The following SCN9A variants were observed in gnomAD, a reference collection of about 807,000 sequenced individuals.
SCN9A encodes the protein sodium channel protein type 9 subunit alpha.
Under a neutral mutation model 187.0 loss-of-function variants are expected in SCN9A, and 131 were observed. The observed-to-expected ratio is 0.70, with a 90% CI of 0.61 to 0.81. SCN9A has a LOEUF of 0.81. SCN9A is among the 30% of genes least tolerant of loss of function. SCN9A has a pLI of 0.00. For synonymous variants in SCN9A, 809 were observed against 808.6 expected, an observed-to-expected ratio of 1.00 and a Z score of -0.01; for missense variants, 2,252 against 2,396.6, an observed-to-expected ratio of 0.94 and a Z score of 1.26.
chr2:166,355,482 C>T (rs1700130210), intron 1 of SCN9A, among the ~76,000 whole-genome samples: 1 of 151,738 alleles, frequency 6.6e-6, no homozygotes, highest in East Asian at 1.9e-4. Context: ...TTGAAATATT[C>T]ATTATTTTCT....
At chr2:166,314,342 G>A (rs1435861573) in intron 1 of SCN9A, among the ~76,000 whole-genome samples, 1 of 152,054 alleles carries the variant, frequency 6.6e-6, no homozygotes, top group African/African-American at 2.4e-5. Context: ...ACCAAAGTTA[G>A]GATAAAGGTT....
intron 1 of SCN9A, among the ~76,000 whole-genome samples, chr2:166,316,676 A>C (rs1559038261): frequency 2.6e-5 from 4 of 152,246 alleles, no homozygotes; most frequent in Non-Finnish European, 1.5e-5. Context: ...CCTGGGCAAT[A>C]GAGCGAGACT....
chr2:166,372,307 A>T (rs186209759), intron 1 of SCN9A, among the ~76,000 whole-genome samples: 3 of 152,300 alleles, frequency 2.0e-5, no homozygotes, highest in Admixed American at 2.0e-4. Context: ...ATCAATTTAG[A>T]CCGTGTGGAA....
At chr2:166,214,469 T>C (rs1336245204) in intron 24 of SCN9A, among the ~76,000 whole-genome samples, 1 of 151,752 alleles carries the variant, frequency 6.6e-6, no homozygotes, top group Non-Finnish European at 1.5e-5. Context: ...CTTCCCTGGC[T>C]TCCTCCAGAG....
intron 24 of SCN9A, among the ~76,000 whole-genome samples, chr2:166,209,964 C>A (rs142629408): frequency 6.6e-6 from 1 of 152,034 alleles, no homozygotes; most frequent in Non-Finnish European, 1.5e-5. Flanking sequence ...TGGGTATATA[C>A]CCAAAGGATT....
chr2:166,252,222 T>C (rs1187007544), intron 17 of SCN9A, among the ~76,000 whole-genome samples: 1 of 151,992 alleles, frequency 6.6e-6, no homozygotes, highest in African/African-American at 2.4e-5. Flanking sequence ...ATTTTTAATA[T>C]AAATTTATGG....
chr2:166,242,783 A>G, intron 18 of SCN9A, 127 bp from the exon 19 acceptor site: 1 of 591,550 alleles, frequency 1.7e-6, no homozygotes, highest in Non-Finnish European at 2.8e-6. Flanking sequence ...CTATACTTGC[A>G]ATTTCAGATA....
At chr2:166,222,957 A>AAAAAAAAAAAAAAAAAC (rs1558960914) in intron 24 of SCN9A, among the ~76,000 whole-genome samples, 1 of 146,224 alleles carries the variant, frequency 6.8e-6, no homozygotes, top group East Asian at 2.0e-4. Context: ...AAAAAAAAAA[A>AAAAAAAAAAAAAAAAAC]AAAAAAAAAA....
intron 2 of SCN9A, among the ~76,000 whole-genome samples, chr2:166,308,161 G>A (rs1161974675): frequency 6.6e-6 from 1 of 152,026 alleles, no homozygotes; most frequent in Admixed American, 6.6e-5. Flanking sequence ...ACTTTTACAT[G>A]GAAAATTATT....
chr2:166,281,141 GC>G (rs1439264393), intron 13 of SCN9A, among the ~76,000 whole-genome samples: 3 of 152,084 alleles, frequency 2.0e-5, no homozygotes, highest in Non-Finnish European at 2.9e-5. Context: ...TAGACACTTT[GC>G]CCCCACAATG....
At position 166,284,048 on chromosome 2, in the gene SCN9A, C is replaced by T. The variant is rs553805810; in HGVS notation, c.1974+405G>A. Among the ~76,000 whole-genome samples, 7 of 152,260 alleles carry T rather than the reference C, an allele frequency of 4.6e-5. No individual in the cohort carries two copies. The South Asian group carries it at 1.5e-3, about 32-fold the overall frequency. ...TTCCTTGGAATAGGTACATATTAAG[C>T]TGTGACCTGAAAAAGATAGCAGTAG... On this transcript the variant is annotated intron_variant, in intron 12 of 26. Coordinates refer to ENST00000642356, the MANE Select transcript of SCN9A (RefSeq NM_001365536.1).
chr2:166,264,991 T>G (rs1282184665), intron 17 of SCN9A, among the ~76,000 whole-genome samples: 1 of 152,022 alleles, frequency 6.6e-6, no homozygotes, highest in Admixed American at 6.6e-5. Flanking sequence ...GTTTGATACA[T>G]GTATACATTA....
At chr2:166,281,630 T>C (rs746147062) in intron 13 of SCN9A, 49 bp downstream of exon 13, 1 of 1,555,336 alleles carries the variant, frequency 6.4e-7, no homozygotes, top group Non-Finnish European at 8.8e-7. Context: ...ACCAGATTTA[T>C]GTTAATTTTA....
chr2:166,241,522 C>G (rs1695564298), intron 19 of SCN9A, among the ~76,000 whole-genome samples: 1 of 152,164 alleles, frequency 6.6e-6, no homozygotes, highest in African/African-American at 2.4e-5. Context: ...TCCCACCACA[C>G]TTGCAGTTCA....
chr2:166,256,022 G>T (rs1343301348), intron 17 of SCN9A, among the ~76,000 whole-genome samples: 1 of 151,290 alleles, frequency 6.6e-6, no homozygotes, highest in African/African-American at 2.4e-5. Context: ...AGGATCCTTT[G>T]AGAAGAAATC....
At chr2:166,313,085 A>T (rs1344726638) in intron 1 of SCN9A, among the ~76,000 whole-genome samples, 1 of 149,120 alleles carries the variant, frequency 6.7e-6, no homozygotes, top group South Asian at 2.1e-4. Flanking sequence ...ATAGTAAATA[A>T]TATAATTATT....
chr2:166,230,678 A>G (rs2106390676), intron 21 of SCN9A, among the ~76,000 whole-genome samples: 1 of 152,184 alleles, frequency 6.6e-6, no homozygotes, highest in Non-Finnish European at 1.5e-5. Context: ...CCTACTGTAT[A>G]TTCCTGTATC....
At chr2:166,256,133 C>A (rs1321137039) in intron 17 of SCN9A, among the ~76,000 whole-genome samples, 1 of 151,174 alleles carries the variant, frequency 6.6e-6, no homozygotes, top group East Asian at 1.9e-4. Context: ...TGGTGTAGAA[C>A]AAAAATAACC....
intron 1 of SCN9A, among the ~76,000 whole-genome samples, chr2:166,334,834 C>T (rs1699589099): frequency 6.6e-6 from 1 of 152,090 alleles, no homozygotes; most frequent in South Asian, 2.1e-4. Context: ...GTCATGTGAG[C>T]TTAAAACCTT....
Sources: gnomAD v4.1 joint callset for allele counts (sites outside exome capture counted in the v4.1 genomes callset) on GRCh38, gnomAD v4.1.1 for gene constraint, MANE v1.5 for transcripts, NCBI Gene and HGNC (gene_info 2026-07-23, HGNC 2026-07-21) for gene names.